The following ADAM9 variants were observed in gnomAD, a reference collection of about 807,000 sequenced individuals.
ADAM9 encodes the protein ADAM metallopeptidase domain 9.
ADAM9 carries 54 observed loss-of-function variants against 108.1 expected under a neutral mutation model. The observed-to-expected ratio is 0.50, with a 90% CI of 0.40 to 0.63. ADAM9 has a LOEUF of 0.63. Among genes scored for constraint, ADAM9 ranks in the 20% least tolerant of loss-of-function variants. The probability of loss-of-function intolerance (pLI) is 0.00; values close to 1 mark genes in which losing one functional copy is unlikely to be tolerated. For synonymous variants in ADAM9, 316 were observed against 336.0 expected (o/e 0.94, Z 0.65); for missense variants, 830 against 997.7 (o/e 0.83, Z 2.26).
intron 8 of ADAM9, among the ~76,000 whole-genome samples, chr8:39,022,745 G>A (rs768816746): frequency 2.6e-5 from 4 of 151,736 alleles, no homozygotes; most frequent in Admixed American, 1.3e-4. Flanking sequence ...GATGAGTCTC[G>A]CTCTGTTGCC....
intron 18 of ADAM9, among the ~76,000 whole-genome samples, chr8:39,088,509 G>A (rs1010276787): frequency 1.3e-5 from 2 of 151,840 alleles, no homozygotes; most frequent in East Asian, 1.9e-4. Context: ...CGCCTGCCTC[G>A]GCCTCCCAAA....
At chr8:39,058,940 T>A (rs1838210602) in intron 14 of ADAM9, among the ~76,000 whole-genome samples, 1 of 152,184 alleles carries the variant, frequency 6.6e-6, no homozygotes. Context: ...ATATACAGCC[T>A]TTTGGAGAAC....
At chr8:39,089,952 G>C in intron 18 of ADAM9, 95 bp from the exon 19 acceptor site, 3 of 1,296,368 alleles carry the variant, frequency 2.3e-6, no homozygotes, top group Non-Finnish European at 3.4e-6. Flanking sequence ...TGATTTTTGA[G>C]TAATGTGAAA....
intron 15 of ADAM9, among the ~76,000 whole-genome samples, chr8:39,075,393 T>C (rs1021420582): frequency 2.0e-5 from 3 of 152,194 alleles, no homozygotes; most frequent in Non-Finnish European, 1.5e-5. Context: ...TCAGGTAATA[T>C]GTGGAGTGAT....
chr8:39,049,558 C>T (rs1469426837), intron 12 of ADAM9, among the ~76,000 whole-genome samples: 1 of 151,500 alleles, frequency 6.6e-6, no homozygotes, highest in Non-Finnish European at 1.5e-5. Flanking sequence ...CCTGCCTCAG[C>T]CTCCCAAGTA....
At chr8:39,090,273 G>A (rs1839311655) in intron 19 of ADAM9, 85 bp downstream of exon 19, 2 of 1,204,742 alleles carry the variant, frequency 1.7e-6, no homozygotes, top group East Asian at 5.2e-5. Context: ...CTGGGCTCAG[G>A]TGATTCCCCC....
intron 20 of ADAM9, among the ~76,000 whole-genome samples, chr8:39,098,252 G>A (rs895108207): frequency 1.2e-4 from 18 of 151,916 alleles, no homozygotes; most frequent in African/African-American, 4.3e-4. Flanking sequence ...AGACTATTTG[G>A]TGTAGATGTG....
At chr8:39,037,132 C>T (rs2129435727) in intron 11 of ADAM9, among the ~76,000 whole-genome samples, 1 of 134,494 alleles carries the variant, frequency 7.4e-6, no homozygotes, top group East Asian at 2.3e-4. Flanking sequence ...TCTCGGCTCA[C>T]TGCAAGCTCT....
intron 16 of ADAM9, among the ~76,000 whole-genome samples, chr8:39,079,128 G>A (rs1838939847): frequency 6.6e-6 from 1 of 152,100 alleles, no homozygotes; most frequent in East Asian, 1.9e-4. Flanking sequence ...TCCTAATGCT[G>A]CCCTACACAG....
intron 21 of ADAM9, among the ~76,000 whole-genome samples, chr8:39,102,842 T>C (rs755347973): frequency 6.6e-6 from 1 of 152,206 alleles, no homozygotes; most frequent in Non-Finnish European, 1.5e-5. Context: ...GGGCTTAAAA[T>C]CATCAGGAAG....
At chr8:39,065,738 TTAA>T (rs2129440512) in intron 14 of ADAM9, among the ~76,000 whole-genome samples, 2 of 152,084 alleles carry the variant, frequency 1.3e-5, no homozygotes, top group African/African-American at 4.8e-5. Flanking sequence ...TGTCAGTATG[TTAA>T]TGATAATTTT....
intron 1 of ADAM9, among the ~76,000 whole-genome samples, chr8:38,999,567 T>G (rs1386833555): frequency 6.6e-6 from 1 of 152,188 alleles, no homozygotes; most frequent in East Asian, 1.9e-4. Context: ...CGTTTTCAGA[T>G]GCCAGCAAAA....
intron 6 of ADAM9, 22 bp from the exon 7 acceptor site, chr8:39,018,831 A>G: frequency 6.2e-7 from 1 of 1,612,696 alleles, no homozygotes; most frequent in Non-Finnish European, 8.5e-7. Context: ...TTTTGCCTTT[A>G]TGATGTTTGT....
chr8:39,036,452 A>T (rs184620246), intron 11 of ADAM9, among the ~76,000 whole-genome samples: 1 of 152,222 alleles, frequency 6.6e-6, no homozygotes, highest in African/African-American at 2.4e-5. Flanking sequence ...TCAAATAAAT[A>T]TGTTTTGAAT....
At chr8:39,073,493 G>A (rs1838761539) in intron 15 of ADAM9, among the ~76,000 whole-genome samples, 1 of 152,038 alleles carries the variant, frequency 6.6e-6, no homozygotes, top group Non-Finnish European at 1.5e-5. Context: ...TTTTGTTATC[G>A]CTGTTCCTCA....
chr8:39,060,657 G>A (rs1046342756), intron 14 of ADAM9, among the ~76,000 whole-genome samples: 8 of 152,154 alleles, frequency 5.3e-5, no homozygotes, highest in Non-Finnish European at 1.0e-4. Flanking sequence ...ACTTTTTGTC[G>A]TGCAAATATC....
In ADAM9 at chr8:38,997,048, T is replaced by C. The variant is rs780441946; in HGVS notation, c.-16T>C. On this transcript the variant is annotated 5_prime_UTR_variant, in exon 1 of 22. Coordinates refer to ENST00000487273, the MANE Select transcript of ADAM9 (RefSeq NM_003816.3). The stretch of plus-strand genomic sequence containing the variant: ...AGGCGACCGAGTGCTGAGAGGAACC[T>C]GCGGAATCGGCCGAGATGGGGTCTG... 2 of 1,605,054 alleles carry C rather than the reference T, an allele frequency of 1.2e-6. No individual in the cohort carries two copies. Among genetic ancestry groups the C allele is most frequent in the Non-Finnish European group, 1.7e-6 (2 of 1,179,298 alleles).
At chr8:39,045,570 G>GTATATATATATATATATATA (rs146208883) in intron 12 of ADAM9, among the ~76,000 whole-genome samples, 9 of 95,192 alleles carry the variant, frequency 9.5e-5, no homozygotes, top group African/African-American at 2.9e-4. Flanking sequence ...GTGTGTGTGT[G>GTATATATATATATATATATA]TATATATATA....
intron 16 of ADAM9, among the ~76,000 whole-genome samples, chr8:39,080,950 T>C (rs1839003118): frequency 6.9e-6 from 1 of 145,528 alleles, no homozygotes; most frequent in Non-Finnish European, 1.5e-5. Flanking sequence ...CTGTGAGAGT[T>C]TTTTTTTTTT....
Sources: allele counts gnomAD v4.1 joint callset (sites outside exome capture counted in the v4.1 genomes callset), GRCh38; gene constraint gnomAD v4.1.1; transcripts MANE v1.5; gene names NCBI Gene and HGNC (gene_info 2026-07-23, HGNC 2026-07-21).